The following PKIG variants were observed in gnomAD, a reference collection of about 807,000 sequenced individuals.
PKIG encodes protein kinase (cAMP-dependent, catalytic) inhibitor gamma.
Under a neutral mutation model 6.8 loss-of-function variants are expected in PKIG, and 1 was observed. The observed-to-expected ratio is 0.15, with a 90% confidence interval of 0.05 to 0.69. The LOEUF is 0.69. Among genes scored for constraint, PKIG ranks in the 30% least tolerant of loss-of-function variants. The pLI is 0.82. For missense variants in PKIG, 77 were observed against 104.0 expected, an observed-to-expected ratio of 0.74 and a Z score of 1.13; for synonymous variants, 39 against 43.0, an observed-to-expected ratio of 0.91 and a Z score of 0.36.
At chr20:44,610,872 T>A (rs1007299593) in intron 2 of PKIG, among the ~76,000 whole-genome samples, 1 of 152,106 alleles carries the variant, frequency 6.6e-6, no homozygotes, top group African/African-American at 2.4e-5. Flanking sequence ...ATTTCTTTAT[T>A]ATTTTTTTTT....
intron 1 of PKIG, among the ~76,000 whole-genome samples, chr20:44,588,147 T>C (rs1287110815): frequency 1.3e-5 from 2 of 152,236 alleles, no homozygotes; most frequent in African/African-American, 4.8e-5. Flanking sequence ...AAATTTTTCA[T>C]GTATTTAGCC....
intron 1 of PKIG, among the ~76,000 whole-genome samples, chr20:44,566,819 C>G (rs1442557460): frequency 1.3e-5 from 2 of 152,252 alleles, no homozygotes; most frequent in African/African-American, 4.8e-5. Context: ...GTACTTCAGC[C>G]TGGGTGACAG....
At chr20:44,597,057 A>G (rs972477887) in intron 2 of PKIG, among the ~76,000 whole-genome samples, 4 of 152,110 alleles carry the variant, frequency 2.6e-5, no homozygotes, top group Non-Finnish European at 5.9e-5. Context: ...ATGTATATGC[A>G]GAAGTGGTTT....
At chr20:44,610,496 T>TCACACACACACACACACACA (rs1466815546) in intron 2 of PKIG, among the ~76,000 whole-genome samples, 1 of 111,514 alleles carries the variant, frequency 9.0e-6, no homozygotes, top group Admixed American at 9.5e-5. Context: ...TCTCTCTCTC[T>TCACACACACACACACACACA]CTCTCACACA....
intron 1 of PKIG, among the ~76,000 whole-genome samples, chr20:44,538,731 A>G (rs2064534583): frequency 6.6e-6 from 1 of 152,156 alleles, no homozygotes; most frequent in Admixed American, 6.6e-5. Context: ...TCAGTCCTAA[A>G]TATTACATAA....
chr20:44,565,345 G>A (rs555573905), intron 1 of PKIG, among the ~76,000 whole-genome samples: 2 of 152,296 alleles, frequency 1.3e-5, no homozygotes, highest in South Asian at 2.1e-4. Flanking sequence ...TGTTATTGGG[G>A]GCATGTATTG....
At chr20:44,576,771 G>A (rs1234859391) in intron 1 of PKIG, among the ~76,000 whole-genome samples, 1 of 152,200 alleles carries the variant, frequency 6.6e-6, no homozygotes, top group African/African-American at 2.4e-5. Context: ...CAAAACAGCT[G>A]TAGTTGGAAA....
At chr20:44,571,820 T>C (rs1308974603) in intron 1 of PKIG, among the ~76,000 whole-genome samples, 2 of 152,214 alleles carry the variant, frequency 1.3e-5, no homozygotes, top group African/African-American at 4.8e-5. Context: ...TGGCATGCAA[T>C]GGGGGCAATG....
intron 1 of PKIG, among the ~76,000 whole-genome samples, chr20:44,535,697 G>A (rs3092590): frequency 0.19 from 28,664 of 152,128 alleles, 4,104 homozygotes; most frequent in African/African-American, 0.4. Context: ...TTTACATTAT[G>A]TGGTTAGGTG....
At chr20:44,598,280 T>C (rs962531513) in intron 2 of PKIG, among the ~76,000 whole-genome samples, 3 of 152,222 alleles carry the variant, frequency 2.0e-5, no homozygotes, top group Non-Finnish European at 4.4e-5. Context: ...TATAACCCTT[T>C]ATAGCCTCAT....
chr20:44,550,758 G>A (rs73615479), intron 1 of PKIG, among the ~76,000 whole-genome samples: 1,708 of 152,252 alleles, frequency 0.011, 17 homozygotes, highest in East Asian at 0.064. Flanking sequence ...CTGAGGCAGA[G>A]AGCGGGACAG....
At chr20:44,553,809 G>A (rs75908668) in intron 1 of PKIG, among the ~76,000 whole-genome samples, 50 of 152,224 alleles carry the variant, frequency 3.3e-4, no homozygotes, top group African/African-American at 1.2e-3. Context: ...AAGGCTCCTT[G>A]GAGGAAAAGG....
chr20:44,552,445 A>G (rs186274960), intron 1 of PKIG, among the ~76,000 whole-genome samples: 2 of 152,214 alleles, frequency 1.3e-5, no homozygotes, highest in Admixed American at 6.5e-5. Flanking sequence ...ATTTACTTCC[A>G]ATTTTGCTTT....
chr20:44,549,100 A>T (rs1317517559), intron 1 of PKIG, among the ~76,000 whole-genome samples: 1 of 152,222 alleles, frequency 6.6e-6, no homozygotes, highest in Non-Finnish European at 1.5e-5. Context: ...AAAACTTTTA[A>T]AACTACCACT....
At chr20:44,555,021 T>C (rs2064701357) in intron 1 of PKIG, among the ~76,000 whole-genome samples, 1 of 152,220 alleles carries the variant, frequency 6.6e-6, no homozygotes, top group African/African-American at 2.4e-5. Context: ...CATTTAAGTG[T>C]CCTATTTTAA....
intron 2 of PKIG, among the ~76,000 whole-genome samples, chr20:44,596,215 T>G (rs1231029364): frequency 6.6e-6 from 1 of 152,186 alleles, no homozygotes; most frequent in Non-Finnish European, 1.5e-5. Flanking sequence ...GACATTTCTG[T>G]GTGTATTTGT....
At chr20:44,612,024 G>T (rs2065224600) in intron 2 of PKIG, among the ~76,000 whole-genome samples, 1 of 151,970 alleles carries the variant, frequency 6.6e-6, no homozygotes, top group South Asian at 2.1e-4. Flanking sequence ...AATCATGTTG[G>T]ACATTTGGGT....
In PKIG at chr20:44,614,145, G is replaced by C. The variant is rs2065243066; in HGVS notation, c.-23-389G>C. Among the ~76,000 whole-genome samples, 1 of 152,206 alleles carries C rather than the reference G, an allele frequency of 6.6e-6. No individual in the cohort carries two copies. Among genetic ancestry groups the C allele is most frequent in the African/African-American group, 2.4e-5 (1 of 41,446 alleles). On this transcript the variant is annotated intron_variant, in intron 2 of 3. Transcript: ENST00000372886. This position sits in a 1 kb window ranked among gnomAD's most constrained non-coding sequence, Gnocchi z 4.6. ...CTCCCTTGAAGCCTTGAGCACCAAG[G>C]CCATGACTTAGGTACGAGGTGACTT...
intron 2 of PKIG, among the ~76,000 whole-genome samples, chr20:44,606,992 T>C (rs1198900856): frequency 1.3e-5 from 2 of 152,220 alleles, no homozygotes; most frequent in Non-Finnish European, 2.9e-5. Flanking sequence ...TTCTGTTCTT[T>C]AGAAATTACT....
Sources: allele counts gnomAD v4.1 joint callset (sites outside exome capture counted in the v4.1 genomes callset), GRCh38; gene constraint gnomAD v4.1.1; non-coding constraint Gnocchi (gnomAD v3.1); transcripts MANE v1.5; gene names NCBI Gene and HGNC (gene_info 2026-07-23, HGNC 2026-07-21).